CTNNA2: variants seen among roughly 807,000 people sequenced by gnomAD.
CTNNA2 encodes the protein catenin alpha 2.
Under a neutral mutation model 101.0 loss-of-function variants are expected in CTNNA2, and 42 were observed. The observed-to-expected ratio is 0.42, with a 90% CI of 0.32 to 0.54. The LOEUF is 0.54. Among genes scored for constraint, CTNNA2 ranks in the 20% least tolerant of loss-of-function variants. The pLI is 0.14. For missense variants in CTNNA2, 871 were observed against 1,223.1 expected (o/e 0.71, Z 4.29); for synonymous variants, 450 against 456.4 (o/e 0.99, Z 0.18).
chr2:79,652,292 C>A (rs1472795401), intron 2 of CTNNA2, among the ~76,000 whole-genome samples: 2 of 150,020 alleles, frequency 1.3e-5, no homozygotes, highest in African/African-American at 4.9e-5. Context: ...TGTCCTGTGG[C>A]TGCTATAACA....
In CTNNA2 at chr2:79,541,099, T is replaced by A. The variant is rs112129795; in HGVS notation, c.-6+27892T>A. ...TCTTTGTTAGGTTTTAAGTCTGCAA[T>A]GTAACTGTGCTTATCCCTATGTGTC... On this transcript the variant is annotated intron_variant, in intron 1 of 18. Coordinates refer to ENST00000402739, the MANE Select transcript of CTNNA2 (RefSeq NM_001282597.3). Among the ~76,000 whole-genome samples the A allele has an allele frequency of 6.2e-4, 94 of 152,234 alleles. 1 individual carries two copies. Among genetic ancestry groups the A allele is most frequent in the African/African-American group, 2.2e-3 (92 of 41,544 alleles).
At chr2:80,576,786 T>TAAAAAA (rs1558606620) in intron 13 of CTNNA2, among the ~76,000 whole-genome samples, 2,772 of 111,972 alleles carry the variant, frequency 0.025, 183 homozygotes, top group South Asian at 0.045. Flanking sequence ...CTGTCTCTAC[T>TAAAAAA]GAAAAAAAAA....
chr2:80,019,621 G>C (rs187201692), intron 7 of CTNNA2, among the ~76,000 whole-genome samples: 3 of 152,134 alleles, frequency 2.0e-5, no homozygotes, highest in South Asian at 2.1e-4. Flanking sequence ...TTCTTGTCAG[G>C]CCATTTACTT....
At chr2:80,310,683 G>A (rs776732888) in intron 7 of CTNNA2, among the ~76,000 whole-genome samples, 2 of 152,102 alleles carry the variant, frequency 1.3e-5, no homozygotes, top group Non-Finnish European at 2.9e-5. Context: ...TGCTACTATG[G>A]CATGTGTGTA....
chr2:79,514,890 A>AT (rs947783027), intron 1 of CTNNA2, among the ~76,000 whole-genome samples: 1 of 152,122 alleles, frequency 6.6e-6, no homozygotes, highest in South Asian at 2.1e-4. Flanking sequence ...CACATTATTG[A>AT]TTTTTTTCTT....
At chr2:80,527,841 T>A (rs1004129714) in intron 9 of CTNNA2, among the ~76,000 whole-genome samples, 1 of 152,106 alleles carries the variant, frequency 6.6e-6, no homozygotes, top group Non-Finnish European at 1.5e-5. Flanking sequence ...GGGAGACAGT[T>A]CTCCACCAGG....
chr2:80,581,637 A>T (rs1695552896), intron 13 of CTNNA2, 69 bp from the exon 14 acceptor site: 11 of 963,858 alleles, frequency 1.1e-5, no homozygotes, highest in Non-Finnish European at 1.7e-5. Flanking sequence ...TAGCCTTTGC[A>T]ATGAAGTGTG....
Position 80,427,864 on chromosome 2 carries a change from C to A in CTNNA2, c.1290+8263C>A, listed in dbSNP as rs565477444. 6.6e-5 allele frequency among the ~76,000 whole-genome samples: 10 copies of A among 152,322 alleles called. No individual in the cohort carries two copies. In the South Asian group the frequency reaches 1.9e-3, roughly 28 times the overall value. ...GCTGGTCTAGTTGCTGGCAACATAA[C>A]CATGAACAAATCAGAGGAAGTTCCT... is the stretch of plus-strand genomic sequence containing the variant. On this transcript the variant is annotated intron_variant, in intron 9 of 18. Transcript: ENST00000402739.
intron 7 of CTNNA2, among the ~76,000 whole-genome samples, chr2:80,039,063 C>A (rs960096020): frequency 6.6e-6 from 1 of 152,034 alleles, no homozygotes; most frequent in African/African-American, 2.4e-5. Flanking sequence ...AAAAGGAGTA[C>A]AAGATGCTTT....
intron 3 of CTNNA2, among the ~76,000 whole-genome samples, chr2:79,776,786 G>A (rs1317401450): frequency 6.6e-6 from 1 of 152,144 alleles, no homozygotes; most frequent in African/African-American, 2.4e-5. Context: ...GGAGATAAAA[G>A]TATTAGCTTA....
intron 9 of CTNNA2, among the ~76,000 whole-genome samples, chr2:80,444,526 G>A (rs1396958450): frequency 6.6e-6 from 1 of 152,140 alleles, no homozygotes; most frequent in African/African-American, 2.4e-5. Context: ...ACTGTCCTAT[G>A]AATTGTGGGA....
At position 80,350,844 on chromosome 2, in the gene CTNNA2, G is replaced by A. The variant is rs893666603; in HGVS notation, c.1057-42367G>A. Among the ~76,000 whole-genome samples the A allele has an allele frequency of 3.3e-5, 5 of 152,192 alleles. No homozygotes were observed. In the South Asian group the frequency reaches 6.2e-4, roughly 19 times the overall value. ...GTTAATATTAACAGCAGCCTCAAGC[G>A]TGACAGAAGTCTTCTAGATGTCTGA... is the stretch of plus-strand genomic sequence containing the variant. On this transcript the variant is annotated intron_variant, in intron 7 of 18. Coordinates refer to ENST00000402739, the MANE Select transcript of CTNNA2 (RefSeq NM_001282597.3).
rs566248828 is a variant in CTNNA2 at position 80,070,363 on chromosome 2, A to T, written c.1056+160566A>T. The stretch of plus-strand genomic sequence containing the variant: ...TAGTTTCCTGTGGCTGCTGTAACAC[A>T]TTATCACAAACTTGGTTGCATAAAG... On this transcript the variant is annotated intron_variant, in intron 7 of 18. Coordinates refer to ENST00000402739, the MANE Select transcript of CTNNA2 (RefSeq NM_001282597.3). Among the ~76,000 whole-genome samples the T allele has an allele frequency of 1.4e-4, 21 of 152,236 alleles. 1 individual carries two copies. The highest frequency in any genetic ancestry group is 5.1e-4 in the African/African-American group (21 of 41,534).
intron 2 of CTNNA2, among the ~76,000 whole-genome samples, chr2:79,725,259 A>G (rs1289311503): frequency 6.6e-6 from 1 of 152,236 alleles, no homozygotes; most frequent in African/African-American, 2.4e-5. Flanking sequence ...TCAGGCCCAG[A>G]TGGTATGGTA....
intron 1 of CTNNA2, chr2:79,524,557 A>G (rs1284492810): frequency 6.6e-6 from 1 of 151,744 alleles, no homozygotes; most frequent in Non-Finnish European, 1.5e-5. Context: ...ATACACACAC[A>G]CACACCCCAC....
chr2:79,838,929 A>C (rs1287856494), intron 3 of CTNNA2, among the ~76,000 whole-genome samples: 1 of 152,106 alleles, frequency 6.6e-6, no homozygotes, highest in East Asian at 1.9e-4. Context: ...CTACTACTTC[A>C]GTTGTGCTGC....
chr2:79,935,832 CT>C (rs1184429525), intron 7 of CTNNA2, among the ~76,000 whole-genome samples: 1 of 152,134 alleles, frequency 6.6e-6, no homozygotes, highest in Non-Finnish European at 1.5e-5. Context: ...CAGAGATTTC[CT>C]TTTTGAGTGG....
Position 79,731,962 on chromosome 2 carries a change from G to A in CTNNA2, c.103-12425G>A, listed in dbSNP as rs188756178. 3.3e-5 allele frequency among the ~76,000 whole-genome samples: 5 copies of A among 151,360 alleles called. No homozygotes were observed. In the East Asian group the frequency reaches 9.7e-4, roughly 29 times the overall value. ...TAAAATGACATTAAAAAGAGTAAAAGCTTGTAAAGTCCTCAAGTAACATTA... is the reference window on the plus strand; with the variant it reads ...TAAAATGACATTAAAAAGAGTAAAAACTTGTAAAGTCCTCAAGTAACATTA... On this transcript the variant is annotated intron_variant, in intron 2 of 18. Transcript: ENST00000402739.
At chr2:79,776,499 A>G (rs1673974914) in intron 3 of CTNNA2, among the ~76,000 whole-genome samples, 1 of 152,176 alleles carries the variant, frequency 6.6e-6, no homozygotes, top group Admixed American at 6.5e-5. Flanking sequence ...GTATAAATCA[A>G]AAGCAATCAC....
Sources: allele counts gnomAD v4.1 joint callset (sites outside exome capture counted in the v4.1 genomes callset), GRCh38; gene constraint gnomAD v4.1.1; transcripts MANE v1.5; gene names NCBI Gene and HGNC (gene_info 2026-07-23, HGNC 2026-07-21).